Variants in DCAF11 observed in about 807,000 individuals in gnomAD.
The protein encoded by DCAF11 is DDB1- and CUL4-associated factor 11.
Under a neutral mutation model 76.1 loss-of-function variants are expected in DCAF11, and 44 were observed. The ratio of observed to expected loss-of-function variants is 0.58; its 90% confidence interval spans 0.45 to 0.74. The LOEUF (loss-of-function observed/expected upper bound fraction) is 0.74. DCAF11 is among the 30% of genes least tolerant of loss of function. DCAF11 has a pLI of 0.00. For synonymous variants in DCAF11, 258 were observed against 255.0 expected, an observed-to-expected ratio of 1.01 and a Z score of -0.11; for missense variants, 604 against 709.4, an observed-to-expected ratio of 0.85 and a Z score of 1.69.
At position 24,114,848 on chromosome 14, in the gene DCAF11, G is replaced by C; in HGVS notation, c.-659G>C. The C allele has an allele frequency of 2.0e-6, 2 of 985,970 alleles. No homozygotes were observed. The highest frequency in any genetic ancestry group is 1.2e-6 in the Non-Finnish European group (1 of 829,962). The allele number at this position is 985,970 out of a possible 1,614,324, so 61.1% of individuals were successfully genotyped here. On this transcript the variant is annotated 5_prime_UTR_variant, in exon 1 of 15. Coordinates refer to ENST00000446197, the MANE Select transcript of DCAF11 (RefSeq NM_025230.5). ...CGAGCGAAGCGCGTGACGGAGGAGC[G>C]GTTGGCCAACGCAGTGGCGGCAGTC... is the stretch of plus-strand genomic sequence containing the variant.
Position 24,123,281 on chromosome 14 carries a change from C to T in DCAF11, c.1613C>T (p.Ser538Phe). The change falls in exon 15 of 15, where the codon TCC becomes TTC. Residue 538 changes from serine to phenylalanine, a missense_variant. Transcript: ENST00000446197. ...CASAPAPVPQ[S>F]STPFSSPQ ...AGCGCCCCTGCCCCAGTGCCCCAAT[C>T]CTCTACACCCTTTTCCTCACCCCAG... 5 of 1,543,920 alleles carry T rather than the reference C, an allele frequency of 3.2e-6. No homozygotes were observed. The highest frequency in any genetic ancestry group is 4.4e-6 in the Non-Finnish European group (5 of 1,144,666).
chr14:24,115,638 A>G lies in DCAF11; in HGVS notation c.44A>G (p.Asp15Gly), dbSNP rs1412998096. The change falls in exon 2 of 15, where the codon GAC (aspartate) becomes GGC (glycine). Residue 15 changes from aspartate (D) to glycine (G), a missense_variant. Coordinates refer to ENST00000446197, the MANE Select transcript of DCAF11 (RefSeq NM_025230.5). ...AGCAGTGCAGGATCCGGGTCCGGAG[A>G]CCCCTCCGAGGGCTTGCCCCGAAGA... ...NSSSAGSGSG[D>G]PSEGLPRRGA... 6.2e-7 allele frequency: 1 copy of G among 1,613,640 alleles called. No homozygotes were observed. The highest frequency in any genetic ancestry group is 1.7e-5 in the Admixed American group (1 of 59,990).
chr14:24,117,717 C>T lies in DCAF11; in HGVS notation c.461C>T (p.Ser154Phe), dbSNP rs757440140. Residue 154 changes from serine to phenylalanine, a missense_variant, in exon 5 of 15, where the codon TCT becomes TTT. Transcript: ENST00000446197. The surrounding 1 kb of genome is among the most constrained non-coding windows in gnomAD (Gnocchi z 4.3). Reference protein sequence around the residue: ...HRGSFSLGEQSRVISHFLPND... With the variant: ...HRGSFSLGEQFRVISHFLPND... ...GGAAGCTTCTCCCTTGGAGAACAGT[C>T]TCGAGTGATATCTCAGTGAGTATGG... The T allele has an allele frequency of 1.9e-6, 3 of 1,614,064 alleles. No individual in the cohort carries two copies. Among genetic ancestry groups the T allele is most frequent in the Non-Finnish European group, 2.5e-6 (3 of 1,179,990 alleles).
chr14:24,116,691 A>G (rs1594333957), intron 2 of DCAF11, among the ~76,000 whole-genome samples: 1 of 152,212 alleles, frequency 6.6e-6, no homozygotes, highest in East Asian at 1.9e-4. Context: ...TGGGAGGTCA[A>G]CTTAGTAGGT....
rs565390928 is a variant in DCAF11 at position 24,124,824 on chromosome 14, C to A, written c.*1515C>A. On this transcript the variant is annotated 3_prime_UTR_variant, in exon 15 of 15. Transcript: ENST00000446197. ...TGGGAGGCCGAGATAGGTGGATCAC[C>A]TGAAGTCAGGTGTTTGAGACCAGCC... 1 of 152,148 alleles carries A rather than the reference C, an allele frequency of 6.6e-6. No individual in the cohort carries two copies. The highest frequency in any genetic ancestry group is 2.4e-5 in the African/African-American group (1 of 41,420). The allele number at this position is 152,148 out of a possible 1,614,324, so 9.4% of individuals were successfully genotyped here.
At chr14:24,115,866 T>G in intron 2 of DCAF11, 117 bp downstream of exon 2, 1 of 1,318,494 alleles carries the variant, frequency 7.6e-7, no homozygotes, top group South Asian at 1.5e-5. Flanking sequence ...AGCTGTTCTG[T>G]TTGAGCTGAA....
chr14:24,120,638 G>A (rs1484838397), intron 11 of DCAF11, among the ~76,000 whole-genome samples, 200 bp from the exon 12 acceptor site: 6 of 152,198 alleles, frequency 3.9e-5, no homozygotes, highest in African/African-American at 1.4e-4. Flanking sequence ...AAGCCGGCCA[G>A]TAGCCTGGGC....
intron 6 of DCAF11, 46 bp from the exon 7 acceptor site, chr14:24,118,342 T>G: frequency 6.2e-7 from 1 of 1,610,630 alleles, no homozygotes; most frequent in South Asian, 1.1e-5. Flanking sequence ...CTAGAAAAGT[T>G]ACAAGGAAAC....
At chr14:24,122,760 A>G (rs559912292) in intron 13 of DCAF11, among the ~76,000 whole-genome samples, 1 of 152,272 alleles carries the variant, frequency 6.6e-6, no homozygotes, top group East Asian at 1.9e-4. Context: ...GGCCAGACAT[A>G]CCCACACCAC....
At chr14:24,118,179 C>T in intron 6 of DCAF11, 24 bp downstream of exon 6, 2 of 1,595,776 alleles carry the variant, frequency 1.3e-6, no homozygotes, top group Non-Finnish European at 1.7e-6. Context: ...GTCCTATAAA[C>T]TATCTTTTCC....
chr14:24,115,876 A>G (rs2037543106), intron 2 of DCAF11, 127 bp downstream of exon 2: 2 of 1,249,646 alleles, frequency 1.6e-6, no homozygotes, highest in African/African-American at 3.0e-5. Context: ...TTTGAGCTGA[A>G]CAGCCTTTCC....
Position 24,123,330 on chromosome 14 carries a change from T to C in DCAF11, c.*21T>C. 1 of 1,514,394 alleles carries C rather than the reference T, an allele frequency of 6.6e-7. No individual in the cohort carries two copies. The highest frequency in any genetic ancestry group is 8.8e-7 in the Non-Finnish European group (1 of 1,131,550). 93.8% of individuals were successfully genotyped at this position (1,514,394 alleles called of 1,614,324 possible). A position where few individuals can be genotyped will look rare whatever the true frequency, so the allele number is the denominator to read the frequency against. On this transcript the variant is annotated 3_prime_UTR_variant, in exon 15 of 15. Coordinates refer to ENST00000446197, the MANE Select transcript of DCAF11 (RefSeq NM_025230.5). ...AGTAGATCCAACCTCCAGCCCCATA[T>C]AGGGTGAACCTCTTGATAAGCTCTC...
intron 8 of DCAF11, 166 bp downstream of exon 8, chr14:24,118,970 A>C: frequency 8.9e-7 from 1 of 1,118,878 alleles, no homozygotes; most frequent in Non-Finnish European, 1.3e-6. Context: ...AGGACTGGGT[A>C]AAATAGATGG....
intron 7 of DCAF11, 29 bp from the exon 8 acceptor site, chr14:24,118,721 A>T (rs2037631154): frequency 6.2e-7 from 1 of 1,612,998 alleles, no homozygotes; most frequent in Non-Finnish European, 8.5e-7. Context: ...CCATCCCTGA[A>T]AGATTCTTGT....
chr14:24,119,658 C>G, intron 10 of DCAF11, 42 bp downstream of exon 10: 1 of 1,614,142 alleles, frequency 6.2e-7, no homozygotes, highest in Non-Finnish European at 8.5e-7. Context: ...TGGTTTTTGG[C>G]TTTTTATAAG....
chr14:24,115,535 A>C lies in DCAF11; in HGVS notation c.-60A>C. ...TCTAGAGCACGCTTTGCTTTCACCA[A>C]ACCCAAGGAGGTGACAGGAGGAGCC... is the stretch of plus-strand genomic sequence containing the variant. On this transcript the variant is annotated 5_prime_UTR_variant, in exon 2 of 15. Transcript: ENST00000446197. The C allele has an allele frequency of 6.5e-7, 1 of 1,543,818 alleles. No individual in the cohort carries two copies. Among genetic ancestry groups the C allele is most frequent in the East Asian group, 2.3e-5 (1 of 43,720 alleles).
rs756726865 is a variant in DCAF11 at position 24,117,096 on chromosome 14, G to A, written c.283+52G>A. 24 of 1,613,092 alleles carry A rather than the reference G, an allele frequency of 1.5e-5. No individual in the cohort carries two copies. The South Asian group carries it at 2.6e-4, about 18-fold the overall frequency. ...AAGACTTTTACTAGAAAACCTTTTA[G>A]TGATATTTTGAATGATAGGTTACAT... On this transcript the variant is annotated intron_variant, in intron 3 of 14. Coordinates refer to ENST00000446197, the MANE Select transcript of DCAF11 (RefSeq NM_025230.5). This position sits in a 1 kb window ranked among gnomAD's most constrained non-coding sequence, Gnocchi z 4.3.
rs551916765 is a variant in DCAF11 at position 24,124,618 on chromosome 14, T to C, written c.*1309T>C. ...GGCAAAATAGGCAGTTTTAAAAGAA[T>C]AAACAAGCTAGGTGTGGTGGCTCAT... On this transcript the variant is annotated 3_prime_UTR_variant, in exon 15 of 15. Coordinates refer to ENST00000446197, the MANE Select transcript of DCAF11 (RefSeq NM_025230.5). 1 of 152,318 alleles carries C rather than the reference T, an allele frequency of 6.6e-6. No individual in the cohort carries two copies. Among genetic ancestry groups the C allele is most frequent in the African/African-American group, 2.4e-5 (1 of 41,558 alleles). 9.4% of individuals were successfully genotyped at this position (152,318 alleles called of 1,614,324 possible).
Position 24,115,650 on chromosome 14 carries a change from G to T in DCAF11, c.56G>T (p.Gly19Val), listed in dbSNP as rs148072819. Residue 19 changes from glycine (G) to valine (V), a missense_variant, in exon 2 of 15, where the codon GGC (glycine) becomes GTC (valine). Gly to Val is a moderately radical substitution (Grantham distance 109). Coordinates refer to ENST00000446197, the MANE Select transcript of DCAF11 (RefSeq NM_025230.5). ...TCCGGGTCCGGAGACCCCTCCGAGG[G>T]CTTGCCCCGAAGAGGGGCTGGCCTG... Reference protein sequence around the residue: ...AGSGSGDPSEGLPRRGAGLRR... With the variant: ...AGSGSGDPSEVLPRRGAGLRR... 7.4e-6 allele frequency: 12 copies of T among 1,613,918 alleles called. No homozygotes were observed. The highest frequency in any genetic ancestry group is 1.7e-5 in the Admixed American group (1 of 60,000).
Sources: gnomAD v4.1 joint callset for allele counts (sites outside exome capture counted in the v4.1 genomes callset) on GRCh38, gnomAD v4.1.1 for gene constraint, Gnocchi (gnomAD v3.1) non-coding constraint, MANE v1.5 for transcripts, NCBI Gene and HGNC (gene_info 2026-07-23, HGNC 2026-07-21) for gene names.